Variants in NEK7 observed in about 807,000 individuals in gnomAD.
NEK7 encodes NIMA related kinase 7, also known as serine/threonine-protein kinase Nek7.
NEK7 carries 18 observed loss-of-function variants against 44.6 expected under a neutral mutation model. The observed-to-expected ratio is 0.40, with a 90% CI of 0.28 to 0.60. The LOEUF (loss-of-function observed/expected upper bound fraction) is 0.60. Ranked by LOEUF, NEK7 falls within the 20% of genes least tolerant of loss-of-function variation. The pLI is 0.38. For missense variants in NEK7, 256 were observed against 366.5 expected (o/e 0.70, Z 2.46); for synonymous variants, 130 against 121.1 (o/e 1.07, Z -0.48).
chr1:198,248,759 A>C (rs1666904774), intron 2 of NEK7, among the ~76,000 whole-genome samples: 1 of 152,176 alleles, frequency 6.6e-6, no homozygotes, highest in Admixed American at 6.6e-5. Flanking sequence ...TCTTTTCAAA[A>C]GAAAAGAAAT....
chr1:198,180,189 T>C (rs553602707), intron 1 of NEK7, among the ~76,000 whole-genome samples: 1 of 152,174 alleles, frequency 6.6e-6, no homozygotes, highest in African/African-American at 2.4e-5. Flanking sequence ...CCTCCCTTTT[T>C]TTTTTTGGTG....
chr1:198,284,387 G>C (rs1472479232), intron 7 of NEK7, among the ~76,000 whole-genome samples: 1 of 152,112 alleles, frequency 6.6e-6, no homozygotes, highest in Non-Finnish European at 1.5e-5. Flanking sequence ...TACATATGAA[G>C]ACATAGTTTG....
intron 2 of NEK7, among the ~76,000 whole-genome samples, 165 bp downstream of exon 2, chr1:198,232,802 T>G (rs1666437995): frequency 6.6e-6 from 1 of 151,700 alleles, no homozygotes. Context: ...GCTTTGTTTT[T>G]CAGTTTTGTT....
intron 1 of NEK7, among the ~76,000 whole-genome samples, chr1:198,158,053 C>G (rs138822835): frequency 1.3e-5 from 2 of 152,172 alleles, no homozygotes; most frequent in Non-Finnish European, 2.9e-5. Flanking sequence ...TAAAGAACTT[C>G]TGTTGCCTCT....
chr1:198,249,895 T>C (rs1279699489), intron 2 of NEK7, among the ~76,000 whole-genome samples: 1 of 147,404 alleles, frequency 6.8e-6, no homozygotes, highest in Non-Finnish European at 1.5e-5. Flanking sequence ...TAGATCCCAT[T>C]TGTCAATTTT....
At chr1:198,306,764 C>A (rs1655035855) in intron 9 of NEK7, among the ~76,000 whole-genome samples, 1 of 152,062 alleles carries the variant, frequency 6.6e-6, no homozygotes, top group Admixed American at 6.6e-5. Flanking sequence ...TTGTTTATAA[C>A]ACAAAAGTAG....
chr1:198,176,186 T>TA (rs1664599296), intron 1 of NEK7, among the ~76,000 whole-genome samples: 1 of 152,202 alleles, frequency 6.6e-6, no homozygotes, highest in African/African-American at 2.4e-5. Context: ...GCCGAAGGTA[T>TA]AAAAATGAAG....
At chr1:198,295,739 A>G (rs975377447) in intron 8 of NEK7, among the ~76,000 whole-genome samples, 1 of 151,550 alleles carries the variant, frequency 6.6e-6, no homozygotes, top group South Asian at 2.1e-4. Context: ...GAGAGACTAT[A>G]GTTTATATAT....
intron 2 of NEK7, among the ~76,000 whole-genome samples, chr1:198,252,154 G>A (rs955319137): frequency 1.3e-5 from 2 of 152,012 alleles, no homozygotes; most frequent in Non-Finnish European, 2.9e-5. Flanking sequence ...TTCAGGAGCA[G>A]GTTGTTCAGT....
chr1:198,219,631 A>G (rs1044947777), intron 1 of NEK7, among the ~76,000 whole-genome samples: 4 of 151,948 alleles, frequency 2.6e-5, no homozygotes, highest in Admixed American at 2.6e-4. Context: ...TGACAGGTGC[A>G]TTAAAATCCT....
At chr1:198,277,928 T>G (rs1275310935) in intron 5 of NEK7, 33 bp from the exon 6 acceptor site, 2 of 1,342,540 alleles carry the variant, frequency 1.5e-6, no homozygotes, top group African/African-American at 2.9e-5. Context: ...GAAATTTTAG[T>G]TTTTATAGTT....
At chr1:198,303,062 G>A (rs1319339481) in intron 9 of NEK7, among the ~76,000 whole-genome samples, 2 of 152,134 alleles carry the variant, frequency 1.3e-5, no homozygotes, top group Non-Finnish European at 2.9e-5. Context: ...AGAGGGCAGA[G>A]GCACAATGAG....
chr1:198,190,879 A>G (rs1299837526), intron 1 of NEK7, among the ~76,000 whole-genome samples: 2 of 152,032 alleles, frequency 1.3e-5, no homozygotes, highest in Non-Finnish European at 2.9e-5. Flanking sequence ...GGATTTTGCT[A>G]TGCTTCCTAT....
intron 9 of NEK7, among the ~76,000 whole-genome samples, chr1:198,315,119 C>T (rs151230083): frequency 0.022 from 3,377 of 152,316 alleles, 149 homozygotes; most frequent in African/African-American, 0.077. Context: ...GAGCCAGATG[C>T]GGGATATAGT....
At chr1:198,290,691 CTG>C (rs1337956936) in intron 7 of NEK7, among the ~76,000 whole-genome samples, 1 of 152,104 alleles carries the variant, frequency 6.6e-6, no homozygotes, top group Non-Finnish European at 1.5e-5. Flanking sequence ...TATATAATGA[CTG>C]TTGGAAATTT....
chr1:198,312,897 G>A (rs1655236464), intron 9 of NEK7, among the ~76,000 whole-genome samples: 1 of 152,130 alleles, frequency 6.6e-6, no homozygotes, highest in African/African-American at 2.4e-5. Flanking sequence ...GCGTGGTGCT[G>A]AAAAAAATGT....
chr1:198,160,032 T>A (rs950689059), intron 1 of NEK7, among the ~76,000 whole-genome samples: 2 of 152,184 alleles, frequency 1.3e-5, no homozygotes, highest in African/African-American at 4.8e-5. Context: ...CCTCAATTAT[T>A]GCGCATTTAC....
intron 2 of NEK7, chr1:198,245,354 G>T (rs1056971660): frequency 5.9e-6 from 1 of 169,250 alleles, no homozygotes; most frequent in Non-Finnish European, 1.5e-5. Flanking sequence ...ACCCAACATG[G>T]TGCCTGCGTT....
intron 7 of NEK7, among the ~76,000 whole-genome samples, chr1:198,290,479 G>C (rs1467741097): frequency 6.6e-6 from 1 of 152,144 alleles, no homozygotes; most frequent in African/African-American, 2.4e-5. Flanking sequence ...TAGATAGAGA[G>C]AGGTAAGGAC....
Sources: gnomAD v4.1 joint callset for allele counts (sites outside exome capture counted in the v4.1 genomes callset) on GRCh38, gnomAD v4.1.1 for gene constraint, MANE v1.5 for transcripts, NCBI Gene and HGNC (gene_info 2026-07-23, HGNC 2026-07-21) for gene names.